Variants in CCDC92B observed in about 807,000 individuals in gnomAD.
CCDC92B encodes coiled-coil domain-containing 92B.
A neutral mutation model predicts 5.6 loss-of-function variants in CCDC92B; 2 were observed. That is an observed-to-expected ratio of 0.36 (90% confidence interval 0.15 to 1.12). The LOEUF is 1.12. CCDC92B is among the 50% of genes most tolerant of loss of function. The pLI is 0.40. For missense variants in CCDC92B, 271 were observed against 262.2 expected (o/e 1.03, Z -0.23); for synonymous variants, 115 against 122.3 (o/e 0.94, Z 0.39).
At chr17:2,729,876 A>T (rs78235803) in intron 3 of CCDC92B, among the ~76,000 whole-genome samples, 1 of 152,140 alleles carries the variant, frequency 6.6e-6, no homozygotes, top group African/African-American at 2.4e-5. Flanking sequence ...AAAATGCAGG[A>T]TTTACTAATG....
intron 1 of CCDC92B, chr17:2,748,350 C>T: frequency 1.0e-6 from 1 of 982,940 alleles, no homozygotes; most frequent in Non-Finnish European, 1.2e-6. Context: ...ACGACTCTCT[C>T]CCGCCTCTCT....
rs16952351 is a variant in CCDC92B, at chr17:2,737,955, C to G, written c.-23-2787G>C. 3.3e-3 allele frequency among the ~76,000 whole-genome samples: 498 copies of G among 152,096 alleles called. 11 individuals carry two copies. Among genetic ancestry groups the G allele is most frequent in the African/African-American group, 0.011 (475 of 41,400 alleles). On this transcript the variant is annotated intron_variant, in intron 1 of 3. Coordinates refer to ENST00000614400, the MANE Select transcript of CCDC92B (RefSeq NM_001355573.2). ...ACTTCACAAAAAAGGGCTCTCGTAC[C>G]GCTTCACACGCTCAGTAAGGGGTGG...
chr17:2,740,360 C>T (rs1404246040), intron 1 of CCDC92B, among the ~76,000 whole-genome samples: 1 of 151,900 alleles, frequency 6.6e-6, no homozygotes, highest in Non-Finnish European at 1.5e-5. Flanking sequence ...TGGGCCTGAC[C>T]TAATTAGGCA....
intron 3 of CCDC92B, among the ~76,000 whole-genome samples, chr17:2,726,183 T>TA (rs202155568): frequency 0.06 from 186 of 3,112 alleles, 1 homozygote; most frequent in East Asian, 0.43. Flanking sequence ...TATATATATA[T>TA]TTTTTTTTTT....
chr17:2,730,341 C>A, intron 3 of CCDC92B, 105 bp downstream of exon 3: 1 of 605,848 alleles, frequency 1.7e-6, no homozygotes, highest in Non-Finnish European at 2.1e-6. Context: ...TGACTATCCC[C>A]AAGTCTAGGC....
At chr17:2,748,809 T>C (rs1047641491) in intron 1 of CCDC92B, among the ~76,000 whole-genome samples, 2 of 152,252 alleles carry the variant, frequency 1.3e-5, no homozygotes, top group African/African-American at 2.4e-5. Flanking sequence ...TCTAGGACTC[T>C]GTCTGCAAGG....
chr17:2,740,646 G>A (rs1039056627), intron 1 of CCDC92B, among the ~76,000 whole-genome samples: 2 of 151,848 alleles, frequency 1.3e-5, no homozygotes, highest in Admixed American at 1.3e-4. Flanking sequence ...CTGGGCGACT[G>A]AGTGAGACTC....
chr17:2,735,502 C>G (rs1185563980), intron 1 of CCDC92B, among the ~76,000 whole-genome samples: 6 of 152,164 alleles, frequency 3.9e-5, no homozygotes. Context: ...ACGATCTTGG[C>G]TCACTGCAAC....
At chr17:2,737,701 C>A (rs1368889019) in intron 1 of CCDC92B, among the ~76,000 whole-genome samples, 2 of 151,854 alleles carry the variant, frequency 1.3e-5, no homozygotes, top group Non-Finnish European at 2.9e-5. Flanking sequence ...TGGTCTCGAT[C>A]TCCTGACCAC....
chr17:2,728,575 C>G (rs1435776293), intron 3 of CCDC92B, among the ~76,000 whole-genome samples: 3 of 151,592 alleles, frequency 2.0e-5, no homozygotes, highest in Non-Finnish European at 4.4e-5. Flanking sequence ...TGCACTCCAG[C>G]CTGGGCGACA....
At chr17:2,738,758 CAAA>C (rs533157087) in intron 1 of CCDC92B, among the ~76,000 whole-genome samples, 1 of 89,752 alleles carries the variant, frequency 1.1e-5, no homozygotes, top group Admixed American at 1.3e-4. Context: ...AGACTCGTCT[CAAA>C]AAAAAAAAAA....
At chr17:2,734,881 A>C (rs117649815) in intron 2 of CCDC92B, 135 bp downstream of exon 2, 18,242 of 614,218 alleles carry the variant, frequency 0.03, 302 homozygotes, top group Non-Finnish European at 0.033. Context: ...CAGTTTCCTT[A>C]ATCAGAAAAA....
At position 2,722,307 on chromosome 17, in the gene CCDC92B, C is replaced by G. The variant is rs2070667056; in HGVS notation, c.*2104G>C. 6.6e-6 allele frequency: 1 copy of G among 152,156 alleles called. No individual in the cohort carries two copies. Among genetic ancestry groups the G allele is most frequent in the Non-Finnish European group, 1.5e-5 (1 of 68,186 alleles). The allele number at this position is 152,156 out of a possible 1,614,324, so 9.4% of individuals were successfully genotyped here. A position where few individuals can be genotyped will look rare whatever the true frequency, so the allele number is the denominator to read the frequency against. Reference sequence around the variant, plus strand: ...CACTTGAGGGGGGACAGAGATGGTACAGGCGCAACCACAGGACTAGTAGAG... The same window carrying G: ...CACTTGAGGGGGGACAGAGATGGTAGAGGCGCAACCACAGGACTAGTAGAG... On this transcript the variant is annotated 3_prime_UTR_variant, in exon 4 of 4. Transcript: ENST00000614400.
intron 3 of CCDC92B, among the ~76,000 whole-genome samples, chr17:2,727,743 G>A (rs1237988738): frequency 1.3e-5 from 2 of 151,662 alleles, no homozygotes; most frequent in African/African-American, 4.8e-5. Context: ...AGAATTGCTT[G>A]ACCCTGGGAG....
In CCDC92B at chr17:2,724,713, G is replaced by C; in HGVS notation, c.466C>G (p.Pro156Ala). ...GGCTCGGCGGTGGCGCCGGGGCCCGGGCGCGGGGCCTGCAGTCTCTGGCGC... is the reference window on the plus strand; with the variant it reads ...GGCTCGGCGGTGGCGCCGGGGCCCGCGCGCGGGGCCTGCAGTCTCTGGCGC... ...AARQRLQAPRPGPGATAEPRP... is the reference protein window; with the variant it reads ...AARQRLQAPRAGPGATAEPRP... Residue 156 changes from proline (P) to alanine (A), a missense_variant, in exon 4 of 4, where the codon CCG becomes GCG. Transcript: ENST00000614400. The surrounding 1 kb of genome is among the most constrained non-coding windows in gnomAD (Gnocchi z 5.0). 1.0e-6 allele frequency: 1 copy of C among 983,608 alleles called. No homozygotes were observed. Among genetic ancestry groups the C allele is most frequent in the South Asian group, 4.5e-5 (1 of 21,980 alleles). The allele number at this position is 983,608 out of a possible 1,614,324, so 60.9% of individuals were successfully genotyped here. A position where few individuals can be genotyped will look rare whatever the true frequency, so the allele number is the denominator to read the frequency against.
At chr17:2,739,957 A>G (rs532788688) in intron 1 of CCDC92B, among the ~76,000 whole-genome samples, 1 of 152,182 alleles carries the variant, frequency 6.6e-6, no homozygotes, top group Non-Finnish European at 1.5e-5. Flanking sequence ...CACGGGGTGA[A>G]GAGAAGAGAA....
At chr17:2,748,204 A>T in intron 1 of CCDC92B, 1 of 572,572 alleles carries the variant, frequency 1.7e-6, no homozygotes, top group Non-Finnish European at 3.3e-6. Context: ...CTCTTCCAGT[A>T]GCCCAGTAGC....
At chr17:2,726,475 C>T (rs1164029567) in intron 3 of CCDC92B, among the ~76,000 whole-genome samples, 1 of 152,142 alleles carries the variant, frequency 6.6e-6, no homozygotes, top group African/African-American at 2.4e-5. Context: ...AGCCACCGCG[C>T]CCGGCTAATT....
At chr17:2,737,974 G>A (rs1025690031) in intron 1 of CCDC92B, among the ~76,000 whole-genome samples, 8 of 152,040 alleles carry the variant, frequency 5.3e-5, no homozygotes, top group Non-Finnish European at 1.2e-4. Context: ...CGCTCAGTAA[G>A]GGGTGGCAGA....
Sources: allele counts gnomAD v4.1 joint callset (sites outside exome capture counted in the v4.1 genomes callset), GRCh38; gene constraint gnomAD v4.1.1; non-coding constraint Gnocchi (gnomAD v3.1); transcripts MANE v1.5; gene names NCBI Gene and HGNC (gene_info 2026-07-23, HGNC 2026-07-21).